The following BRD4 variants were observed in gnomAD, a reference collection of about 807,000 sequenced individuals.
BRD4 encodes bromodomain containing 4, also known as bromodomain-containing protein 4.
BRD4 carries 16 observed loss-of-function variants against 142.1 expected under a neutral mutation model. The ratio of observed to expected loss-of-function variants is 0.11; its 90% CI spans 0.08 to 0.17. The LOEUF is 0.17. Among genes scored for constraint, BRD4 ranks in the 10% least tolerant of loss-of-function variants. The pLI is 1.00. For missense variants in BRD4, 1,424 were observed against 1,810.9 expected (o/e 0.79, Z 3.88); for synonymous variants, 833 against 707.5 (o/e 1.18, Z -2.82).
rs1220955633 is a variant in BRD4, at chr19:15,255,667, T to C, written c.1752-75A>G. 2.0e-6 allele frequency: 3 copies of C among 1,506,938 alleles called. No homozygotes were observed. The East Asian group carries it at 6.8e-5, about 34-fold the overall frequency. The allele number at this position is 1,506,938 out of a possible 1,614,324, so 93.3% of individuals were successfully genotyped here. A position where few individuals can be genotyped will look rare whatever the true frequency, so the allele number is the denominator to read the frequency against. On this transcript the variant is annotated intron_variant, in intron 9 of 19. Coordinates refer to ENST00000679869, the MANE Select transcript of BRD4 (RefSeq NM_001379291.1). ...CCAGGCACTCATTCCTCCACATGTA[T>C]GTTGGGGGGAAGGGGTGCCCTTCCC...
At chr19:15,291,720 A>C (rs2047783210) in intron 1 of BRD4, among the ~76,000 whole-genome samples, 1 of 152,214 alleles carries the variant, frequency 6.6e-6, no homozygotes, top group African/African-American at 2.4e-5. Context: ...CCATTTGGTG[A>C]TAGCATCTTT....
Position 15,240,005 on chromosome 19 carries a change from G to A in BRD4, c.3187C>T (p.Pro1063Ser). The A allele has an allele frequency of 6.2e-7, 1 of 1,612,222 alleles. No individual in the cohort carries two copies. The highest frequency in any genetic ancestry group is 8.5e-7 in the Non-Finnish European group (1 of 1,179,234). ...GGGGAATGTATCATAAGCGGGGAGGGGGCTTCGCGGAGGTGACCTAGGAGA... is the reference window on the plus strand; with the variant it reads ...GGGGAATGTATCATAAGCGGGGAGGAGGCTTCGCGGAGGTGACCTAGGAGA... ...PYSTGHLREAPSPLMIHSPQM... is the reference protein window; with the variant it reads ...PYSTGHLREASSPLMIHSPQM... The change falls in exon 15 of 20, where the codon CCC becomes TCC. Residue 1063 changes from proline (P) to serine (S), a missense_variant. Physicochemically the swap from Pro to Ser is moderately conservative, Grantham distance 74. Coordinates refer to ENST00000679869, the MANE Select transcript of BRD4 (RefSeq NM_001379291.1).
Position 15,239,696 on chromosome 19 carries a change from G to T in BRD4, c.3408C>A (p.His1136Gln). The T allele has an allele frequency of 6.3e-7, 1 of 1,594,526 alleles. No individual in the cohort carries two copies. Among genetic ancestry groups the T allele is most frequent in the Non-Finnish European group, 8.5e-7 (1 of 1,177,596 alleles). The change falls in exon 16 of 20, where the codon CAC becomes CAA. Residue 1136 changes from histidine (H) to glutamine (Q), a missense_variant. By Grantham distance (24) the His-to-Gln change is conservative. Coordinates refer to ENST00000679869, the MANE Select transcript of BRD4 (RefSeq NM_001379291.1). This position sits in a 1 kb window ranked among gnomAD's most constrained non-coding sequence, Gnocchi z 7.4. Reference sequence around the variant, plus strand: ...GGACGGGGGCCTTGATGCTCTCCGGGTGCTTGGGGGGCTCCGGCCGCAGCG... The same window carrying T: ...GGACGGGGGCCTTGATGCTCTCCGGTTGCTTGGGGGGCTCCGGCCGCAGCG... ...SPSLRPEPPKHPESIKAPVHL... is the reference protein window; with the variant it reads ...SPSLRPEPPKQPESIKAPVHL...
intron 11 of BRD4, among the ~76,000 whole-genome samples, chr19:15,249,796 G>A (rs2047325024): frequency 6.6e-6 from 1 of 152,138 alleles, no homozygotes; most frequent in South Asian, 2.1e-4. Flanking sequence ...CTACAAGAAA[G>A]GAGGTACCAG....
At position 15,237,634 on chromosome 19, in the gene BRD4, A is replaced by G. The variant is rs1339969901; in HGVS notation, c.*743T>C. ...AAAAATATATATAGAAAAAAAAGAAAAAAAAAAACGAAACAGAAACACAGG... is the reference window on the plus strand; with the variant it reads ...AAAAATATATATAGAAAAAAAAGAAGAAAAAAAACGAAACAGAAACACAGG... On this transcript the variant is annotated 3_prime_UTR_variant, in exon 20 of 20. Transcript: ENST00000679869. The G allele has an allele frequency of 4.3e-6, 1 of 231,716 alleles. No individual in the cohort carries two copies. Among genetic ancestry groups the G allele is most frequent in the Admixed American group, 5.6e-5 (1 of 17,732 alleles). 14.4% of individuals were successfully genotyped at this position (231,716 alleles called of 1,614,324 possible). A position where few individuals can be genotyped will look rare whatever the true frequency, so the allele number is the denominator to read the frequency against.
intron 11 of BRD4, chr19:15,249,298 G>A (rs1213772068): frequency 1.2e-6 from 2 of 1,614,004 alleles, no homozygotes; most frequent in African/African-American, 1.3e-5. Context: ...GACCTACGTA[G>A]AGGGAGAGAG....
chr19:15,244,529 G>A lies in BRD4; in HGVS notation c.2283C>T (p.Pro761=). The change falls in exon 13 of 20, where the codon CCC becomes CCT. Residue 761 remains proline (P), a synonymous_variant. Coordinates refer to ENST00000679869, the MANE Select transcript of BRD4 (RefSeq NM_001379291.1). ...APVPQQPPPP[P]QQPPPPPPPQ... Reference sequence around the variant, plus strand: ...GAGGTGGAGGCGGTGGGGGCTGCTGGGGAGGCGGGGGCGGCTGCTGGGGCA... The same window carrying A: ...GAGGTGGAGGCGGTGGGGGCTGCTGAGGAGGCGGGGGCGGCTGCTGGGGCA... The A allele has an allele frequency of 6.4e-7, 1 of 1,568,284 alleles. No individual in the cohort carries two copies. Among genetic ancestry groups the A allele is most frequent in the East Asian group, 2.3e-5 (1 of 43,138 alleles).
intron 2 of BRD4, among the ~76,000 whole-genome samples, chr19:15,271,571 C>T (rs1361302005): frequency 6.6e-6 from 1 of 152,208 alleles, no homozygotes; most frequent in Non-Finnish European, 1.5e-5. Flanking sequence ...TCTCCTGGTT[C>T]TGTGCATCTG....
chr19:15,256,493 GTCT>G (rs754906214), intron 8 of BRD4, among the ~76,000 whole-genome samples: 39 of 152,334 alleles, frequency 2.6e-4, no homozygotes, highest in Non-Finnish European at 5.0e-4. Flanking sequence ...GACTGCCAGT[GTCT>G]TCCTCACCAG....
chr19:15,304,230 C>T (rs764992656), intron 1 of BRD4, among the ~76,000 whole-genome samples: 12 of 152,128 alleles, frequency 7.9e-5, no homozygotes, highest in Admixed American at 2.6e-4. Context: ...GATCTCCAGC[C>T]GTCTGTTTGT....
rs536634033 is a variant in BRD4, at chr19:15,265,457, G to C, written c.746C>G (p.Thr249Arg). 4.3e-5 allele frequency: 68 copies of C among 1,585,080 alleles called. No individual in the cohort carries two copies. The highest frequency in any genetic ancestry group is 5.4e-5 in the Non-Finnish European group (63 of 1,164,082). The change falls in exon 5 of 20, where the codon ACG becomes AGG. Residue 249 changes from threonine to arginine, a missense_variant. Transcript: ENST00000679869. ...MTVVPPQPLQ[T>R]PPPVPPQPQP... is the part of the protein sequence containing the mutation. ...TGGCTGGGGGGGCACTGGCGGGGGC[G>C]TCTGCAGTGGCTGGGGAGGCACCAC...
At position 15,293,917 on chromosome 19, in the gene BRD4, CTTCT is replaced by C. The variant is rs1362435151; in HGVS notation, c.-34-20788_-34-20785del. ...ACAATATTTGCCCTTTTGTGTCTGA[CTTCT>C]TTCTCTTAGCATAATGTCTTAAGAT... On this transcript the variant is annotated intron_variant, in intron 1 of 19. Transcript: ENST00000679869. Among the ~76,000 whole-genome samples, 31 of 152,332 alleles carry C rather than the reference CTTCT, an allele frequency of 2.0e-4. No homozygotes were observed. In the South Asian group the frequency reaches 2.3e-3, roughly 11 times the overall value.
chr19:15,241,421 C>G (rs1179608565), intron 14 of BRD4, among the ~76,000 whole-genome samples: 1 of 152,256 alleles, frequency 6.6e-6, no homozygotes, highest in Non-Finnish European at 1.5e-5. Context: ...TGAAAGCTGG[C>G]TGGGGGCCCA....
chr19:15,258,564 G>A (rs1045724161), intron 7 of BRD4, among the ~76,000 whole-genome samples: 3 of 152,174 alleles, frequency 2.0e-5, no homozygotes, highest in African/African-American at 4.8e-5. Context: ...GATGACCAGC[G>A]TGAGCCACTG....
Position 15,243,175 on chromosome 19 carries a change from G to A in BRD4, c.2894C>T (p.Ser965Phe). 9.4e-7 allele frequency: 1 copy of A among 1,062,134 alleles called. No homozygotes were observed. Among genetic ancestry groups the A allele is most frequent in the Non-Finnish European group, 1.3e-6 (1 of 767,932 alleles). 65.8% of individuals were successfully genotyped at this position (1,062,134 alleles called of 1,614,324 possible). The change falls in exon 14 of 20, where the codon TCT becomes TTT. Residue 965 changes from serine to phenylalanine, a missense_variant. By Grantham distance (155) the Ser-to-Phe change is radical. Transcript: ENST00000679869. ...CTGCTGCTGCAGCTGCTGCTGCACA[G>A]AGGGGTGGGGTGGGGGCGGCAGGGG... is the stretch of plus-strand genomic sequence containing the variant. ...PPPLPPPPHP[S>F]VQQQLQQQPP... is the part of the protein sequence containing the mutation.
Position 15,243,068 on chromosome 19 carries a change from G to C in BRD4, c.3001C>G (p.Pro1001Ala), listed in dbSNP as rs753808683. The change falls in exon 14 of 20, where the codon CCC becomes GCC. Residue 1001 changes from proline (P) to alanine (A), a missense_variant. By Grantham distance (27) the Pro-to-Ala change is conservative. Transcript: ENST00000679869. ...QPPPRPVHLQ[P>A]MQFSTHIQQP... is the part of the protein sequence containing the mutation. ...TGGATGTGGGTGGAAAACTGCATGG[G>C]CTGCAAGTGCACGGGCCGTGGAGGG... The C allele has an allele frequency of 6.5e-7, 1 of 1,529,158 alleles. No homozygotes were observed. Among genetic ancestry groups the C allele is most frequent in the Admixed American group, 2.0e-5 (1 of 50,264 alleles). 94.7% of individuals were successfully genotyped at this position (1,529,158 alleles called of 1,614,324 possible).
intron 1 of BRD4, among the ~76,000 whole-genome samples, chr19:15,323,178 T>TAAAAAAAAAAAAAA (rs1017018376): frequency 1.5e-4 from 11 of 73,068 alleles, no homozygotes; most frequent in South Asian, 1.3e-3. Flanking sequence ...TCCATCTCTT[T>TAAAAAAAAAAAAAA]AAAAAAAAAA....
At chr19:15,319,764 G>A (rs905914161) in intron 1 of BRD4, among the ~76,000 whole-genome samples, 2 of 151,836 alleles carry the variant, frequency 1.3e-5, no homozygotes, top group African/African-American at 2.4e-5. Flanking sequence ...GTGAAACCCC[G>A]TCTCTACAAA....
chr19:15,332,496 A>G lies in BRD4; in HGVS notation c.-241T>C. 1 of 125,728 alleles carries G rather than the reference A, an allele frequency of 8.0e-6. No homozygotes were observed. The highest frequency in any genetic ancestry group is 1.5e-5 in the Non-Finnish European group (1 of 68,102). The allele number at this position is 125,728 out of a possible 1,614,324, so 7.8% of individuals were successfully genotyped here. Reference sequence around the variant, plus strand: ...TCGGCTGCGGGAGACCAGAACAAACAGCCCAGCCGCCGCCGCCGCCGCCGC... The same window carrying G: ...TCGGCTGCGGGAGACCAGAACAAACGGCCCAGCCGCCGCCGCCGCCGCCGC... On this transcript the variant is annotated 5_prime_UTR_variant, in exon 1 of 20. Transcript: ENST00000679869.
Sources: allele counts gnomAD v4.1 joint callset (sites outside exome capture counted in the v4.1 genomes callset), GRCh38; gene constraint gnomAD v4.1.1; non-coding constraint Gnocchi (gnomAD v3.1); transcripts MANE v1.5; gene names NCBI Gene and HGNC (gene_info 2026-07-23, HGNC 2026-07-21).